Variants in MED13L observed in about 807,000 individuals in gnomAD.
MED13L encodes the protein mediator of RNA polymerase II transcription subunit 13-like.
Under a neutral mutation model 220.9 loss-of-function variants are expected in MED13L, and 7 were observed. That is an observed-to-expected ratio of 0.03 (90% CI 0.02 to 0.06). MED13L has a LOEUF of 0.06. Ranked by LOEUF, MED13L falls within the 10% of genes least tolerant of loss-of-function variation. MED13L has a pLI of 1.00. For synonymous variants in MED13L, 1,011 were observed against 1,015.2 expected (o/e 1.00, Z 0.08); for missense variants, 1,965 against 2,760.5 (o/e 0.71, Z 6.46).
At chr12:116,163,592 T>C (rs1879043462) in intron 2 of MED13L, among the ~76,000 whole-genome samples, 2 of 152,104 alleles carry the variant, frequency 1.3e-5, no homozygotes, top group African/African-American at 4.8e-5. Context: ...CTCGAATTCC[T>C]GACCTCATGA....
intron 2 of MED13L, among the ~76,000 whole-genome samples, chr12:116,157,096 T>C (rs1441251560): frequency 6.6e-6 from 1 of 152,182 alleles, no homozygotes; most frequent in Non-Finnish European, 1.5e-5. Context: ...AAATCCAGAT[T>C]GCACAGCCTC....
At chr12:116,103,618 T>C (rs1488819827) in intron 3 of MED13L, among the ~76,000 whole-genome samples, 3 of 152,158 alleles carry the variant, frequency 2.0e-5, no homozygotes, top group African/African-American at 4.8e-5. Context: ...AAGTCTTAAT[T>C]CCTTCCCTTG....
chr12:116,052,578 A>C (rs1421709486), intron 4 of MED13L, among the ~76,000 whole-genome samples: 1 of 152,230 alleles, frequency 6.6e-6, no homozygotes, highest in African/African-American at 2.4e-5. Flanking sequence ...TTGTGGGGGA[A>C]AAGTTGGAAA....
intron 4 of MED13L, among the ~76,000 whole-genome samples, chr12:116,058,898 GTTAA>G (rs1285119338): frequency 8.5e-5 from 13 of 152,094 alleles, no homozygotes; most frequent in Non-Finnish European, 1.3e-4. Context: ...ATATGAATAT[GTTAA>G]TTAGAGGTCA....
chr12:116,224,401 C>T (rs1868752874), intron 2 of MED13L, among the ~76,000 whole-genome samples: 1 of 152,168 alleles, frequency 6.6e-6, no homozygotes, highest in Non-Finnish European at 1.5e-5. Flanking sequence ...TCAACTCGTC[C>T]TCAAGGCTCA....
In MED13L at chr12:116,268,173, T is replaced by C. The variant is rs372555740; in HGVS notation, c.72+8887A>G. ...CAGAAGCTCATCTGATGATCAGAGG[T>C]ACACAGAGGGAGGTAGGGGGTAACT... On this transcript the variant is annotated intron_variant, in intron 1 of 30. Transcript: ENST00000281928. Among the ~76,000 whole-genome samples, 23 of 151,462 alleles carry C rather than the reference T, an allele frequency of 1.5e-4. No individual in the cohort carries two copies. The East Asian group carries it at 4.1e-3, about 27-fold the overall frequency.
At chr12:116,026,701 A>G (rs1361459191) in intron 4 of MED13L, among the ~76,000 whole-genome samples, 1 of 152,168 alleles carries the variant, frequency 6.6e-6, no homozygotes, top group African/African-American at 2.4e-5. Context: ...TTTTTCTAAG[A>G]TCATGTAAAA....
intron 2 of MED13L, among the ~76,000 whole-genome samples, chr12:116,229,046 G>A (rs2138424152): frequency 6.6e-6 from 1 of 152,082 alleles, no homozygotes; most frequent in East Asian, 1.9e-4. Flanking sequence ...CATAGTGCTG[G>A]GATTACAGGC....
chr12:116,016,196 G>A (rs952552083), intron 7 of MED13L, among the ~76,000 whole-genome samples: 4 of 151,842 alleles, frequency 2.6e-5, no homozygotes, highest in African/African-American at 9.7e-5. Flanking sequence ...CTTAACGAAA[G>A]TCAAGGTGAA....
intron 19 of MED13L, among the ~76,000 whole-genome samples, chr12:115,984,738 C>T (rs1463827699): frequency 6.6e-6 from 1 of 152,198 alleles, no homozygotes; most frequent in Non-Finnish European, 1.5e-5. Context: ...CTAAAATCTC[C>T]TAAGTAATCC....
intron 1 of MED13L, among the ~76,000 whole-genome samples, chr12:116,270,145 ATT>A (rs780982992): frequency 3.4e-5 from 5 of 145,436 alleles, no homozygotes; most frequent in Admixed American, 6.9e-5. Flanking sequence ...ACCACAGATA[ATT>A]TTTTTTTTTT....
Position 115,961,092 on chromosome 12 carries a change from C to G in MED13L, c.*174G>C. ...ATGAGAGAAGTGTCAAGGAGTCACTCTGGTAATGAACACTGCAGAATTGAC... is the reference window on the plus strand; with the variant it reads ...ATGAGAGAAGTGTCAAGGAGTCACTGTGGTAATGAACACTGCAGAATTGAC... On this transcript the variant is annotated 3_prime_UTR_variant, in exon 31 of 31. Transcript: ENST00000281928. 1.2e-6 allele frequency: 1 copy of G among 865,290 alleles called. No individual in the cohort carries two copies. 53.6% of individuals were successfully genotyped at this position (865,290 alleles called of 1,614,324 possible). A position where few individuals can be genotyped will look rare whatever the true frequency, so the allele number is the denominator to read the frequency against.
intron 1 of MED13L, among the ~76,000 whole-genome samples, chr12:116,259,914 A>G (rs1363432550): frequency 2.0e-5 from 3 of 151,952 alleles, no homozygotes; most frequent in Non-Finnish European, 2.9e-5. Context: ...TATGAAAATT[A>G]TAAGCACATG....
intron 2 of MED13L, among the ~76,000 whole-genome samples, chr12:116,134,311 C>A (rs1040677026): frequency 1.3e-5 from 2 of 152,066 alleles, no homozygotes; most frequent in African/African-American, 4.8e-5. Flanking sequence ...TTCAAAGGCA[C>A]CCGATTTCAT....
chr12:116,115,804 C>T (rs1874463262), intron 2 of MED13L, among the ~76,000 whole-genome samples: 1 of 152,086 alleles, frequency 6.6e-6, no homozygotes, highest in African/African-American at 2.4e-5. Flanking sequence ...ATTAAAATCA[C>T]AATGAAACTT....
At position 115,979,683 on chromosome 12, in the gene MED13L, A is replaced by C. The variant is rs182465045; in HGVS notation, c.5364+1067T>G. The stretch of plus-strand genomic sequence containing the variant: ...GTTCAGAACAACATTACCAACTAAA[A>C]ATAGCAATTGGTGTTTTAAGGAGCT... On this transcript the variant is annotated intron_variant, in intron 23 of 30. Transcript: ENST00000281928. Among the ~76,000 whole-genome samples, 15 of 152,294 alleles carry C rather than the reference A, an allele frequency of 9.8e-5. No individual in the cohort carries two copies. The East Asian group carries it at 2.7e-3, about 27-fold the overall frequency.
chr12:116,027,189 G>C (rs1229263684), intron 4 of MED13L, among the ~76,000 whole-genome samples: 1 of 152,172 alleles, frequency 6.6e-6, no homozygotes, highest in African/African-American at 2.4e-5. Context: ...TTGGGAGGCA[G>C]AGTTGGGCAG....
intron 2 of MED13L, among the ~76,000 whole-genome samples, chr12:116,177,323 C>T (rs1340105423): frequency 6.6e-6 from 1 of 152,154 alleles, no homozygotes; most frequent in Non-Finnish European, 1.5e-5. Context: ...AATCAGAATA[C>T]CACTTGTAAA....
chr12:116,173,304 G>A (rs982520379), intron 2 of MED13L, among the ~76,000 whole-genome samples: 2 of 152,082 alleles, frequency 1.3e-5, no homozygotes, highest in African/African-American at 2.4e-5. Flanking sequence ...GACCAGGTAT[G>A]GCACTGTAGG....
Sources: allele counts gnomAD v4.1 joint callset (sites outside exome capture counted in the v4.1 genomes callset), GRCh38; gene constraint gnomAD v4.1.1; transcripts MANE v1.5; gene names NCBI Gene and HGNC (gene_info 2026-07-23, HGNC 2026-07-21).